SV2C: variants seen among roughly 807,000 people sequenced by gnomAD.
SV2C encodes synaptic vesicle glycoprotein 2C.
In SV2C, 49 loss-of-function variants were observed where a neutral mutation model predicts 79.7. That is an observed-to-expected ratio of 0.61 (90% CI 0.49 to 0.78). The LOEUF (loss-of-function observed/expected upper bound fraction) is 0.78, where lower values mean the gene tolerates loss of function less well. Among genes scored for constraint, SV2C ranks in the 30% least tolerant of loss-of-function variants. SV2C has a pLI of 0.00. For synonymous variants in SV2C, 334 were observed against 333.2 expected, an observed-to-expected ratio of 1.00 and a Z score of -0.03; for missense variants, 833 against 912.9, an observed-to-expected ratio of 0.91 and a Z score of 1.13.
At chr5:76,291,906 T>C in intron 8 of SV2C, 50 bp downstream of exon 8, 1 of 1,329,904 alleles carries the variant, frequency 7.5e-7, no homozygotes, top group Non-Finnish European at 1.1e-6. Flanking sequence ...ATGTCCACAT[T>C]GTAACTCCTA....
chr5:76,149,130 C>A (rs555244563), intron 2 of SV2C, among the ~76,000 whole-genome samples: 1,890 of 152,294 alleles, frequency 0.012, 39 homozygotes, highest in African/African-American at 0.044. Flanking sequence ...TTGATTCTTG[C>A]CTTCTGTATG....
At chr5:75,934,778 A>G in the SV2C span, among the ~76,000 whole-genome samples, 1 of 152,002 alleles carries the variant, frequency 6.6e-6, no homozygotes, top group Non-Finnish European at 1.5e-5. Flanking sequence ...ACTGTGGGCC[A>G]TTTGCACTTA....
chr5:75,891,271 G>A, the SV2C span, among the ~76,000 whole-genome samples: 1 of 152,016 alleles, frequency 6.6e-6, no homozygotes, highest in African/African-American at 2.4e-5. Context: ...CCAGGAACTG[G>A]GTCTCCTAAT....
chr5:76,213,067 T>G (rs1322954812), intron 4 of SV2C, among the ~76,000 whole-genome samples: 1 of 152,216 alleles, frequency 6.6e-6, no homozygotes. Context: ...CATCAACTTT[T>G]ATGTTGACAA....
chr5:75,900,063 C>A, the SV2C span, among the ~76,000 whole-genome samples: 2 of 152,256 alleles, frequency 1.3e-5, no homozygotes, highest in African/African-American at 4.8e-5. Context: ...ATTCCATTTA[C>A]ATTTAAAGTT....
chr5:76,042,547 C>T, the SV2C span, among the ~76,000 whole-genome samples: 1 of 152,306 alleles, frequency 6.6e-6, no homozygotes, highest in Non-Finnish European at 1.5e-5. Flanking sequence ...TTCAGTTTAG[C>T]ATTCAGGGCC....
the SV2C span, among the ~76,000 whole-genome samples, chr5:75,989,968 C>T: frequency 3.8e-5 from 4 of 105,244 alleles, no homozygotes; most frequent in African/African-American, 1.5e-4. Context: ...GTCCTTGGCC[C>T]CCTTTTTAAT....
At chr5:75,858,933 T>C in the SV2C span, among the ~76,000 whole-genome samples, 2 of 152,190 alleles carry the variant, frequency 1.3e-5, no homozygotes, top group Non-Finnish European at 2.9e-5. Flanking sequence ...GTATCACTTG[T>C]AACGTCTTCT....
intron 4 of SV2C, among the ~76,000 whole-genome samples, chr5:76,210,531 A>C (rs1277611024): frequency 1.3e-5 from 2 of 152,214 alleles, no homozygotes; most frequent in African/African-American, 4.8e-5. Flanking sequence ...AGGGGCTTTC[A>C]TGAGTTCTCC....
the SV2C span, among the ~76,000 whole-genome samples, chr5:75,992,312 A>G: frequency 6.6e-6 from 1 of 152,026 alleles, no homozygotes; most frequent in African/African-American, 2.4e-5. Flanking sequence ...AAAACCATAT[A>G]AAATATGGTT....
At chr5:75,972,196 T>C in the SV2C span, among the ~76,000 whole-genome samples, 1 of 152,164 alleles carries the variant, frequency 6.6e-6, no homozygotes, top group Middle Eastern at 3.4e-3. Flanking sequence ...TAAAGATTTA[T>C]ATGTTAGACC....
chr5:76,084,844 C>G (rs1007628447), intron 1 of SV2C, among the ~76,000 whole-genome samples: 2 of 151,678 alleles, frequency 1.3e-5, no homozygotes, highest in African/African-American at 2.4e-5. Flanking sequence ...AGGACTGCGG[C>G]GGCGCGGGGC....
chr5:76,067,098 T>C, the SV2C span, among the ~76,000 whole-genome samples: 19 of 152,208 alleles, frequency 1.2e-4, no homozygotes, highest in Non-Finnish European at 7.4e-5. Context: ...TACATAATTT[T>C]CCCTTAAAAT....
At chr5:76,155,891 C>T (rs1742706445) in intron 2 of SV2C, among the ~76,000 whole-genome samples, 2 of 135,132 alleles carry the variant, frequency 1.5e-5, no homozygotes, top group African/African-American at 5.7e-5. Flanking sequence ...ACCAAAGGAG[C>T]TGACTTTGTT....
At chr5:75,921,365 G>T in the SV2C span, 1 of 958,308 alleles carries the variant, frequency 1.0e-6, no homozygotes. Flanking sequence ...GTCCTTTGGG[G>T]GGTGCTGGTA....
At position 76,132,185 on chromosome 5, in the gene SV2C, C is replaced by T. The variant is rs745535885; in HGVS notation, c.435C>T (p.Cys145=). ...AQQYELIIQE[C]GHGRFQWALF... ...AGTATGAGCTGATAATCCAAGAATG[C>T]GGTCATGGTCGTTTTCAGTGGGCCC... The change falls in exon 2 of 13, where the codon TGC becomes TGT. Residue 145 remains cysteine, a synonymous_variant. Transcript: ENST00000502798. 9.9e-6 allele frequency: 16 copies of T among 1,613,994 alleles called. No homozygotes were observed. The highest frequency in any genetic ancestry group is 1.3e-5 in the African/African-American group (1 of 74,900).
intron 2 of SV2C, among the ~76,000 whole-genome samples, chr5:76,136,448 T>A (rs1294615157): frequency 6.6e-6 from 1 of 152,230 alleles, no homozygotes; most frequent in East Asian, 1.9e-4. Context: ...GATTAGTATA[T>A]TGTGATCTGT....
chr5:76,211,203 G>T (rs905449901), intron 4 of SV2C, among the ~76,000 whole-genome samples: 1 of 152,136 alleles, frequency 6.6e-6, no homozygotes, highest in Admixed American at 6.5e-5. Context: ...AACTCCTGTT[G>T]TATGGCCTGT....
chr5:76,336,054 A>AC (rs1171252407), downstream of SV2C, among the ~76,000 whole-genome samples: 22 of 127,040 alleles, frequency 1.7e-4, no homozygotes, highest in South Asian at 3.5e-3. Context: ...CGGGGGGCTG[A>AC]CCCCCCCACC....
Sources: gnomAD v4.1 joint callset for allele counts (sites outside exome capture counted in the v4.1 genomes callset) on GRCh38, gnomAD v4.1.1 for gene constraint, MANE v1.5 for transcripts, NCBI Gene and HGNC (gene_info 2026-07-23, HGNC 2026-07-21) for gene names.